ATP10B: variants seen among roughly 807,000 people sequenced by gnomAD.
ATP10B encodes ATPase phospholipid transporting 10B (putative).
Under a neutral mutation model 141.2 loss-of-function variants are expected in ATP10B, and 122 were observed. The observed-to-expected ratio is 0.86, with a 90% CI of 0.75 to 1.00. The LOEUF is 1.00. ATP10B is among the 50% of genes least tolerant of loss of function. The pLI, the probability that ATP10B is intolerant of heterozygous loss-of-function variation, is 0.00. For missense variants in ATP10B, 1,876 were observed against 1,825.3 expected (o/e 1.03, Z -0.51); for synonymous variants, 685 against 692.0 (o/e 0.99, Z 0.16).
At chr5:160,632,408 G>T in intron 12 of ATP10B, 41 bp from the exon 13 acceptor site, 2 of 1,583,066 alleles carry the variant, frequency 1.3e-6, no homozygotes, top group Non-Finnish European at 1.7e-6. Flanking sequence ...GTTGTACCTC[G>T]GCTGGACCAT....
At chr5:160,796,080 T>G (rs954967443) in intron 1 of ATP10B, among the ~76,000 whole-genome samples, 3 of 152,176 alleles carry the variant, frequency 2.0e-5, no homozygotes, top group African/African-American at 7.2e-5. Flanking sequence ...ACACCAACTC[T>G]AAGAACTTTA....
chr5:160,748,612 A>G (rs1396826506), intron 2 of ATP10B, among the ~76,000 whole-genome samples: 1 of 152,208 alleles, frequency 6.6e-6, no homozygotes, highest in Non-Finnish European at 1.5e-5. Flanking sequence ...TTCAAGGTGC[A>G]GGAGTAACTT....
chr5:160,905,137 T>G, the ATP10B span, among the ~76,000 whole-genome samples: 1 of 152,200 alleles, frequency 6.6e-6, no homozygotes, highest in Non-Finnish European at 1.5e-5. Flanking sequence ...TTAGTCCCAT[T>G]TTACAGATAA....
At position 160,620,599 on chromosome 5, in the gene ATP10B, G is replaced by A. The variant is rs747697015; in HGVS notation, c.2164C>T (p.Pro722Ser). ...GCGTGCACCAGGGCGGCCTCATCAG[G>A]GCTCTCAGCCTCGTAACAGAACTCA... The part of the protein sequence containing the change: ...RPEFCYEAES[P>S]DEAALVHAAH... The change falls in exon 15 of 26, where the codon CCT becomes TCT. Residue 722 changes from proline (P) to serine (S), a missense_variant. Pro to Ser is a moderately conservative substitution (Grantham distance 74, BLOSUM62 -1). Coordinates refer to ENST00000327245, the MANE Select transcript of ATP10B (RefSeq NM_025153.3). The A allele has an allele frequency of 6.2e-7, 1 of 1,613,854 alleles. No individual in the cohort carries two copies. The highest frequency in any genetic ancestry group is 1.1e-5 in the South Asian group (1 of 91,076).
intron 7 of ATP10B, among the ~76,000 whole-genome samples, chr5:160,667,394 T>C (rs1762388965): frequency 6.6e-6 from 1 of 152,126 alleles, no homozygotes. Flanking sequence ...CCCATCTCAT[T>C]GGGTTGTTTT....
intron 1 of ATP10B, among the ~76,000 whole-genome samples, chr5:160,795,699 A>G (rs1771898053): frequency 6.6e-6 from 1 of 152,036 alleles, no homozygotes; most frequent in Admixed American, 6.6e-5. Context: ...TTATAAGAGA[A>G]AGGCAGAGGG....
At chr5:160,594,367 C>A (rs1756532476) in intron 22 of ATP10B, among the ~76,000 whole-genome samples, 1 of 152,170 alleles carries the variant, frequency 6.6e-6, no homozygotes, top group Non-Finnish European at 1.5e-5. Context: ...CAGGCCTGCC[C>A]TAAAAGAGCT....
At chr5:160,921,700 T>C in the ATP10B span, among the ~76,000 whole-genome samples, 2 of 152,236 alleles carry the variant, frequency 1.3e-5, no homozygotes, top group African/African-American at 4.8e-5. Flanking sequence ...CAATGTCTTA[T>C]AGTTATCAGT....
the ATP10B span, among the ~76,000 whole-genome samples, chr5:160,887,019 T>C: frequency 6.6e-6 from 1 of 152,228 alleles, no homozygotes; most frequent in South Asian, 2.1e-4. Context: ...CAAGGAAATG[T>C]CAGCTGATAA....
chr5:160,598,743 C>T, intron 22 of ATP10B, 27 bp downstream of exon 22: 1 of 1,611,254 alleles, frequency 6.2e-7, no homozygotes, highest in Non-Finnish European at 8.5e-7. Flanking sequence ...CTGAAGTCAC[C>T]TCCCTTTGGC....
At chr5:160,767,556 T>C (rs897684468) in intron 2 of ATP10B, among the ~76,000 whole-genome samples, 1 of 151,718 alleles carries the variant, frequency 6.6e-6, no homozygotes, top group Middle Eastern at 3.2e-3. Flanking sequence ...TGCCATAGAA[T>C]GTATTATAAA....
chr5:160,598,786 C>A lies in ATP10B; in HGVS notation c.3548G>T (p.Ser1183Ile). The change falls in exon 22 of 26, where the codon AGT becomes ATT. Residue 1183 changes from serine (S) to isoleucine (I), a missense_variant. Physicochemically the swap from Ser to Ile is moderately radical, Grantham distance 142 (BLOSUM62 -2). Transcript: ENST00000327245. ...TCTCCTTACCTCAGAGTTCTGGCCA[C>A]TCTTGTATAGCTCAGGCAATGCCAG... The part of the protein sequence containing the change: ...TLLALPELYK[S>I]GQNSECYNLS... The A allele has an allele frequency of 1.2e-6, 2 of 1,614,118 alleles. No individual in the cohort carries two copies. The highest frequency in any genetic ancestry group is 1.7e-6 in the Non-Finnish European group (2 of 1,179,986).
intron 7 of ATP10B, among the ~76,000 whole-genome samples, chr5:160,663,635 G>C: frequency 6.6e-6 from 1 of 151,730 alleles, no homozygotes; most frequent in Non-Finnish European, 1.5e-5. Flanking sequence ...ACTGGGGCCT[G>C]TTGTGGGGTG....
rs184668955 is a variant in ATP10B, at chr5:160,664,231, A to G, written c.675+6232T>C. The stretch of plus-strand genomic sequence containing the variant: ...AAAGAGGAACTTTCTCTGGTTCTCA[A>G]GAGCAGGCAAGGTTAGAAGATAGGT... On this transcript the variant is annotated intron_variant, in intron 7 of 25. Transcript: ENST00000327245. Among the ~76,000 whole-genome samples, 108 of 152,364 alleles carry G rather than the reference A, an allele frequency of 7.1e-4. 1 individual carries two copies. Among genetic ancestry groups the G allele is most frequent in the Non-Finnish European group, 1.2e-3 (84 of 68,040 alleles).
chr5:160,762,147 G>A (rs986034835), intron 2 of ATP10B, among the ~76,000 whole-genome samples: 1 of 152,196 alleles, frequency 6.6e-6, no homozygotes, highest in Admixed American at 6.5e-5. Flanking sequence ...CTTATTTGAG[G>A]GAATAATTGA....
At chr5:160,586,154 G>T (rs764081768) in intron 24 of ATP10B, among the ~76,000 whole-genome samples, 4 of 152,094 alleles carry the variant, frequency 2.6e-5, no homozygotes, top group Admixed American at 6.5e-5. Context: ...ACAGTCCCCA[G>T]TGTGTGTTGT....
intron 2 of ATP10B, among the ~76,000 whole-genome samples, chr5:160,722,792 T>C (rs1187227125): frequency 6.6e-6 from 1 of 152,102 alleles, no homozygotes; most frequent in African/African-American, 2.4e-5. Flanking sequence ...CCTCCAGCCA[T>C]GCACAGCAAG....
intron 2 of ATP10B, among the ~76,000 whole-genome samples, chr5:160,737,574 A>T (rs1162242834): frequency 6.6e-6 from 1 of 152,186 alleles, no homozygotes; most frequent in Non-Finnish European, 1.5e-5. Flanking sequence ...AAATCAACAT[A>T]AAAAAATCAG....
chr5:160,590,871 C>A (rs1756240951), intron 23 of ATP10B, among the ~76,000 whole-genome samples, 188 bp downstream of exon 23: 1 of 152,160 alleles, frequency 6.6e-6, no homozygotes, highest in South Asian at 2.1e-4. Flanking sequence ...CAAGAGCCAG[C>A]AGAAATCAAA....
Sources: gnomAD v4.1 joint callset for allele counts (sites outside exome capture counted in the v4.1 genomes callset) on GRCh38, gnomAD v4.1.1 for gene constraint, MANE v1.5 for transcripts, NCBI Gene and HGNC (gene_info 2026-07-23, HGNC 2026-07-21) for gene names.